The following STAG1 variants were observed in gnomAD, a reference collection of about 807,000 sequenced individuals.
The protein encoded by STAG1 is STAG1 cohesin complex component, also known as cohesin subunit SA-1.
STAG1 carries 26 observed loss-of-function variants against 170.9 expected under a neutral mutation model. The observed-to-expected ratio is 0.15, with a 90% CI of 0.11 to 0.21. The LOEUF (loss-of-function observed/expected upper bound fraction) is 0.21. STAG1 is among the 10% of genes least tolerant of loss of function. The pLI is 1.00. For synonymous variants in STAG1, 514 were observed against 497.7 expected, an observed-to-expected ratio of 1.03 and a Z score of -0.44; for missense variants, 964 against 1,509.5, an observed-to-expected ratio of 0.64 and a Z score of 5.99.
chr3:136,417,098 T>C (rs997162364), intron 21 of STAG1, among the ~76,000 whole-genome samples: 2 of 152,124 alleles, frequency 1.3e-5, no homozygotes, highest in African/African-American at 2.4e-5. Flanking sequence ...CCACCCTGCC[T>C]TGGCTTCCCA....
intron 21 of STAG1, among the ~76,000 whole-genome samples, chr3:136,410,425 G>T (rs1367051510): frequency 6.6e-6 from 1 of 151,886 alleles, no homozygotes; most frequent in Non-Finnish European, 1.5e-5. Flanking sequence ...TTTGCCCTAA[G>T]ACCAACATCA....
At chr3:136,498,272 ACC>A (rs1559841961) in intron 9 of STAG1, among the ~76,000 whole-genome samples, 1 of 91,832 alleles carries the variant, frequency 1.1e-5, no homozygotes, top group Admixed American at 1.1e-4. Flanking sequence ...ACACACACAC[ACC>A]ACACACACAT....
intron 27 of STAG1, among the ~76,000 whole-genome samples, chr3:136,358,209 C>T (rs1468770545): frequency 2.6e-5 from 4 of 151,712 alleles, no homozygotes; most frequent in Non-Finnish European, 4.4e-5. Context: ...CTCAGCCTCC[C>T]GAGTAGCTGG....
chr3:136,366,801 T>TTA, intron 25 of STAG1, 142 bp downstream of exon 25: 1 of 586,446 alleles, frequency 1.7e-6, no homozygotes, highest in Non-Finnish European at 2.9e-6. Flanking sequence ...GATAAAAAGC[T>TTA]TATATAAGAG....
intron 26 of STAG1, among the ~76,000 whole-genome samples, chr3:136,362,597 C>T (rs1576390576): frequency 1.1e-5 from 1 of 94,340 alleles, no homozygotes. Flanking sequence ...GGTGAAACAT[C>T]ATCTCTGCAA....
Position 136,565,981 on chromosome 3 carries a change from C to T in STAG1, c.394+2784G>A, listed in dbSNP as rs368684791. On this transcript the variant is annotated intron_variant, in intron 5 of 33. Transcript: ENST00000383202. Reference sequence around the variant, plus strand: ...ATAAGATGACCAGGACTGGCAAATCCTCAGGGACAGAAAGTAGATTCATGA... The same window carrying T: ...ATAAGATGACCAGGACTGGCAAATCTTCAGGGACAGAAAGTAGATTCATGA... Among the ~76,000 whole-genome samples, 6 of 152,170 alleles carry T rather than the reference C, an allele frequency of 3.9e-5. No homozygotes were observed. The East Asian group carries it at 1.2e-3, about 29-fold the overall frequency.
chr3:136,464,582 A>G (rs1330894600), intron 13 of STAG1, among the ~76,000 whole-genome samples: 1 of 152,164 alleles, frequency 6.6e-6, no homozygotes, highest in Non-Finnish European at 1.5e-5. Context: ...AACTAGTGTG[A>G]TGAATTATCA....
chr3:136,660,477 G>A lies in STAG1; in HGVS notation c.-83-29496C>T, dbSNP rs182180339. 1.4e-3 allele frequency among the ~76,000 whole-genome samples: 215 copies of A among 151,822 alleles called. 2 individuals are homozygous for A. Among genetic ancestry groups the A allele is most frequent in the African/African-American group, 5.0e-3 (209 of 41,436 alleles). On this transcript the variant is annotated intron_variant, in intron 1 of 33. Coordinates refer to ENST00000383202, the MANE Select transcript of STAG1 (RefSeq NM_005862.3). ...AAGTACTACTCAGGATGTTTTTCAC[G>A]AGAAAAAAAACTACAAATAGGATAA...
At chr3:136,702,671 C>G (rs753116803) in intron 1 of STAG1, among the ~76,000 whole-genome samples, 7 of 152,144 alleles carry the variant, frequency 4.6e-5, no homozygotes, top group Admixed American at 4.6e-4. Context: ...CAGGAGTGAG[C>G]CACCATGCCC....
chr3:136,341,569 TATTA>T lies in STAG1; in HGVS notation c.3447-22_3447-19del. ...TCTGAGGACTAAGAGAGGGTACTATTATTAATTTTGTAGCAGCAGATGATGAATT... is the reference window on the plus strand; with the variant it reads ...TCTGAGGACTAAGAGAGGGTACTATTATTTTGTAGCAGCAGATGATGAATT... On this transcript the variant is annotated intron_variant, in intron 30 of 33. Coordinates refer to ENST00000383202, the MANE Select transcript of STAG1 (RefSeq NM_005862.3). The T allele has an allele frequency of 1.3e-6, 2 of 1,532,460 alleles. No individual in the cohort carries two copies. Among genetic ancestry groups the T allele is most frequent in the Non-Finnish European group, 1.8e-6 (2 of 1,108,286 alleles). The allele number at this position is 1,532,460 out of a possible 1,614,324, so 94.9% of individuals were successfully genotyped here.
chr3:136,383,641 T>C (rs995603116), intron 22 of STAG1, among the ~76,000 whole-genome samples: 6 of 152,230 alleles, frequency 3.9e-5, no homozygotes, highest in Middle Eastern at 3.4e-3. Context: ...ATTGGTATTA[T>C]CACCCCCACT....
intron 3 of STAG1, among the ~76,000 whole-genome samples, chr3:136,616,284 G>T (rs1019390627): frequency 3.4e-5 from 5 of 147,708 alleles, no homozygotes; most frequent in African/African-American, 1.0e-4. Context: ...AAAAAAAAAA[G>T]TCATCAGACC....
intron 2 of STAG1, among the ~76,000 whole-genome samples, chr3:136,624,822 T>G (rs1047817019): frequency 2.0e-5 from 3 of 152,188 alleles, no homozygotes; most frequent in African/African-American, 7.2e-5. Flanking sequence ...AGGTGGGAAG[T>G]GACAAACAGT....
At chr3:136,654,803 A>G (rs1454117221) in intron 1 of STAG1, among the ~76,000 whole-genome samples, 5 of 152,180 alleles carry the variant, frequency 3.3e-5, no homozygotes, top group Non-Finnish European at 7.3e-5. Context: ...ATACAAATAT[A>G]TTGACCAATG....
chr3:136,667,562 T>C (rs1191211631), intron 1 of STAG1, among the ~76,000 whole-genome samples: 1 of 152,186 alleles, frequency 6.6e-6, no homozygotes, highest in Non-Finnish European at 1.5e-5. Context: ...TGTGGTGCCA[T>C]CTTGGCTCAC....
At chr3:136,568,671 G>T in intron 5 of STAG1, 94 bp downstream of exon 5, 2 of 801,844 alleles carry the variant, frequency 2.5e-6, no homozygotes, top group East Asian at 2.6e-5. Context: ...TTTAATTTTA[G>T]GGTAAATTAT....
chr3:136,719,739 T>A (rs963155820), intron 1 of STAG1, among the ~76,000 whole-genome samples: 1 of 151,414 alleles, frequency 6.6e-6, no homozygotes, highest in Admixed American at 6.6e-5. Flanking sequence ...GCTCCAAAGT[T>A]TCAGCTAAAT....
At chr3:136,341,895 T>C (rs978456216) in intron 30 of STAG1, among the ~76,000 whole-genome samples, 9 of 152,230 alleles carry the variant, frequency 5.9e-5, no homozygotes, top group African/African-American at 1.7e-4. Context: ...GCTTGGCAGC[T>C]GAAAGTTCTC....
At chr3:136,369,388 T>G in intron 23 of STAG1, 106 bp from the exon 24 acceptor site, 1 of 791,186 alleles carries the variant, frequency 1.3e-6, no homozygotes. Context: ...AGCAGTACCA[T>G]AATATAAATT....
Sources: allele counts gnomAD v4.1 joint callset (sites outside exome capture counted in the v4.1 genomes callset), GRCh38; gene constraint gnomAD v4.1.1; transcripts MANE v1.5; gene names NCBI Gene and HGNC (gene_info 2026-07-23, HGNC 2026-07-21).